ZBTB40: variants seen among roughly 807,000 people sequenced by gnomAD.
The protein encoded by ZBTB40 is zinc finger and BTB domain-containing protein 40.
A neutral mutation model predicts 117.5 loss-of-function variants in ZBTB40; 60 were observed. That is an observed-to-expected ratio of 0.51 (90% CI 0.41 to 0.63). The LOEUF is 0.63. ZBTB40 is among the 30% of genes least tolerant of loss of function. The pLI, the probability that ZBTB40 is intolerant of heterozygous loss-of-function variation, is 0.00. For missense variants in ZBTB40, 1,287 were observed against 1,498.5 expected, an observed-to-expected ratio of 0.86 and a Z score of 2.33; for synonymous variants, 525 against 577.1, an observed-to-expected ratio of 0.91 and a Z score of 1.29.
At chr1:22,458,210 G>A (rs1641047124) in intron 1 of ZBTB40, among the ~76,000 whole-genome samples, 1 of 152,126 alleles carries the variant, frequency 6.6e-6, no homozygotes, top group African/African-American at 2.4e-5. Flanking sequence ...AATCTATTTG[G>A]TACACTGTTA....
intron 1 of ZBTB40, among the ~76,000 whole-genome samples, chr1:22,435,969 TG>T: frequency 6.6e-6 from 1 of 151,344 alleles, no homozygotes; most frequent in Non-Finnish European, 1.5e-5. Flanking sequence ...CCCAGCTACT[TG>T]GGAGGCTGAG....
chr1:22,436,579 G>T (rs1640673983), intron 1 of ZBTB40, among the ~76,000 whole-genome samples: 1 of 152,032 alleles, frequency 6.6e-6, no homozygotes, highest in Admixed American at 6.6e-5. Flanking sequence ...CCTGAAGCTG[G>T]AAACACACAA....
chr1:22,491,767 T>G (rs1451924065), intron 3 of ZBTB40, among the ~76,000 whole-genome samples: 1 of 152,164 alleles, frequency 6.6e-6, no homozygotes, highest in East Asian at 1.9e-4. Flanking sequence ...TCTAACCAGT[T>G]TTGATCCAGA....
intron 12 of ZBTB40, 150 bp from the exon 13 acceptor site, chr1:22,517,150 G>C (rs1639393653): frequency 1.8e-6 from 2 of 1,109,848 alleles, no homozygotes; most frequent in Non-Finnish European, 1.3e-6. Flanking sequence ...AGACGGCTCA[G>C]ATCTCACCCA....
At chr1:22,462,666 G>C (rs1641158364) in intron 1 of ZBTB40, among the ~76,000 whole-genome samples, 1 of 152,166 alleles carries the variant, frequency 6.6e-6, no homozygotes, top group African/African-American at 2.4e-5. Flanking sequence ...TGGGAATTGG[G>C]CCAGGTGATT....
At chr1:22,456,029 G>C (rs1449615039) in intron 1 of ZBTB40, among the ~76,000 whole-genome samples, 2 of 152,126 alleles carry the variant, frequency 1.3e-5, no homozygotes, top group Non-Finnish European at 2.9e-5. Flanking sequence ...CTTCAGCAGA[G>C]TGAGCTCTTT....
chr1:22,497,432 T>A (rs1638809046), intron 3 of ZBTB40, among the ~76,000 whole-genome samples: 2 of 152,312 alleles, frequency 1.3e-5, no homozygotes, highest in South Asian at 4.2e-4. Flanking sequence ...TGAGAGTGAG[T>A]TAATGAGATT....
At chr1:22,471,740 C>T (rs1038932195) in intron 1 of ZBTB40, among the ~76,000 whole-genome samples, 19 of 152,172 alleles carry the variant, frequency 1.2e-4, no homozygotes, top group African/African-American at 4.6e-4. Context: ...GAGGGATTTC[C>T]ACTGTAGGGT....
At chr1:22,520,428 C>G (rs749507689) in intron 14 of ZBTB40, among the ~76,000 whole-genome samples, 153 bp downstream of exon 14, 2 of 152,188 alleles carry the variant, frequency 1.3e-5, no homozygotes, top group African/African-American at 2.4e-5. Flanking sequence ...AGCTTGTGAT[C>G]CAGATTCTCT....
In ZBTB40 at chr1:22,438,115, A is replaced by G. The variant is rs1327802057; in HGVS notation, c.-70+9101A>G. 2.0e-5 allele frequency among the ~76,000 whole-genome samples: 3 copies of G among 152,216 alleles called. No individual in the cohort carries two copies. In the East Asian group the frequency reaches 5.8e-4, roughly 29 times the overall value. On this transcript the variant is annotated intron_variant, in intron 1 of 8. Coordinates refer to the ZBTB40 transcript ENST00000650433. ...ACTGTACTCCAGCCTGGGCAACAAGAGTGAAACTCCATCTCGAAAAAAACA... is the reference window on the plus strand; with the variant it reads ...ACTGTACTCCAGCCTGGGCAACAAGGGTGAAACTCCATCTCGAAAAAAACA...
rs188076541 is a variant in ZBTB40 at position 22,482,948 on chromosome 1, G to A, written c.-69-6932G>A. Among the ~76,000 whole-genome samples, 95 of 152,056 alleles carry A rather than the reference G, an allele frequency of 6.2e-4. 1 individual carries two copies. The East Asian group carries it at 7.6e-3, about 12-fold the overall frequency. On this transcript the variant is annotated intron_variant, in intron 1 of 17. Coordinates refer to ENST00000375647, the MANE Select transcript of ZBTB40 (RefSeq NM_014870.4). ...AAAAAAATTAGCCAGGCGTGGTGGC[G>A]GGCGCCTGTAGTCCTAGCTACTCGG... is the stretch of plus-strand genomic sequence containing the variant.
chr1:22,515,564 G>C (rs1639353589), intron 12 of ZBTB40, among the ~76,000 whole-genome samples: 1 of 152,100 alleles, frequency 6.6e-6, no homozygotes, highest in African/African-American at 2.4e-5. Context: ...CGCATTCCCT[G>C]GCTCTTGGCC....
At chr1:22,489,465 A>G (rs1454316271) in intron 1 of ZBTB40, among the ~76,000 whole-genome samples, 5 of 152,066 alleles carry the variant, frequency 3.3e-5, no homozygotes, top group Non-Finnish European at 5.9e-5. Context: ...GTCTCCGTCT[A>G]CATATTTATC....
At chr1:22,482,400 A>G (rs1638346091) in intron 1 of ZBTB40, among the ~76,000 whole-genome samples, 1 of 152,170 alleles carries the variant, frequency 6.6e-6, no homozygotes, top group South Asian at 2.1e-4. Context: ...CCCCACTCCC[A>G]TTCTCCACAC....
chr1:22,447,751 A>G (rs1465342238), upstream of ZBTB40, among the ~76,000 whole-genome samples: 2 of 152,222 alleles, frequency 1.3e-5, no homozygotes, highest in Admixed American at 6.5e-5. Flanking sequence ...TCTGGGATGG[A>G]TAAGCAGGCA....
intron 12 of ZBTB40, among the ~76,000 whole-genome samples, chr1:22,514,912 T>C (rs1356988720): frequency 6.6e-6 from 1 of 152,184 alleles, no homozygotes; most frequent in Non-Finnish European, 1.5e-5. Context: ...AGACATGGGG[T>C]ATTATAAATA....
chr1:22,494,752 G>T (rs1478926269), intron 3 of ZBTB40, among the ~76,000 whole-genome samples: 4 of 152,276 alleles, frequency 2.6e-5, no homozygotes, highest in Non-Finnish European at 2.9e-5. Flanking sequence ...AGACTGAGCC[G>T]CTTGCTAGGC....
intron 16 of ZBTB40, 126 bp from the exon 17 acceptor site, chr1:22,524,092 T>C (rs12403289): frequency 0.018 from 15,851 of 887,624 alleles, 514 homozygotes; most frequent in Admixed American, 0.092. Context: ...TCCCACAAAA[T>C]GTGGATCCGC....
chr1:22,439,617 T>C (rs931267058), intron 1 of ZBTB40, among the ~76,000 whole-genome samples: 1 of 152,214 alleles, frequency 6.6e-6, no homozygotes. Flanking sequence ...ATGGCCTTGG[T>C]GTCTTTGTCA....
Sources: gnomAD v4.1 joint callset for allele counts (sites outside exome capture counted in the v4.1 genomes callset) on GRCh38, gnomAD v4.1.1 for gene constraint, MANE v1.5 for transcripts, NCBI Gene and HGNC (gene_info 2026-07-23, HGNC 2026-07-21) for gene names.